SOS1: variants seen among roughly 807,000 people sequenced by gnomAD.
The protein encoded by SOS1 is son of sevenless homolog 1.
A neutral mutation model predicts 157.6 loss-of-function variants in SOS1; 25 were observed. The ratio of observed to expected loss-of-function variants is 0.16; its 90% CI spans 0.12 to 0.22. The LOEUF (loss-of-function observed/expected upper bound fraction) is 0.22. SOS1 is among the 10% of genes least tolerant of loss of function. SOS1 has a pLI of 1.00. For missense variants in SOS1, 1,237 were observed against 1,599.1 expected, an observed-to-expected ratio of 0.77 and a Z score of 3.86; for synonymous variants, 528 against 534.0, an observed-to-expected ratio of 0.99 and a Z score of 0.16.
At chr2:39,063,982 A>G (rs973906301) in intron 2 of SOS1, among the ~76,000 whole-genome samples, 2 of 152,028 alleles carry the variant, frequency 1.3e-5, no homozygotes, top group African/African-American at 4.8e-5. Flanking sequence ...ACAGGCATGT[A>G]GCCCCATGGC....
In SOS1 at chr2:39,046,983, T is replaced by TA. The variant is rs534141580; in HGVS notation, c.864+4160dup. Reference sequence around the variant, plus strand: ...TTCCTCACTTCTTCCTCATTTTTGATAAATTCAGGAATAACTTTACATAAA... The same window carrying TA: ...TTCCTCACTTCTTCCTCATTTTTGATAAAATTCAGGAATAACTTTACATAAA... On this transcript the variant is annotated intron_variant, in intron 6 of 22. Coordinates refer to ENST00000402219, the MANE Select transcript of SOS1 (RefSeq NM_005633.4). Among the ~76,000 whole-genome samples the TA allele has an allele frequency of 1.2e-3, 179 of 152,340 alleles. 5 individuals are homozygous for TA. Among genetic ancestry groups the TA allele is most frequent in the African/African-American group, 3.9e-3 (163 of 41,580 alleles).
chr2:39,064,940 T>C (rs1188049315), intron 2 of SOS1, among the ~76,000 whole-genome samples: 1 of 150,628 alleles, frequency 6.6e-6, no homozygotes, highest in Non-Finnish European at 1.5e-5. Flanking sequence ...TTTTTTTTAG[T>C]AGAGATGGGG....
In SOS1 at chr2:38,997,261, C is replaced by T. The variant is rs1204444296; in HGVS notation, c.2956G>A (p.Asp986Asn). 1 of 1,606,930 alleles carries T rather than the reference C, an allele frequency of 6.2e-7. No individual in the cohort carries two copies. Among genetic ancestry groups the T allele is most frequent in the African/African-American group, 1.3e-5 (1 of 74,646 alleles). Residue 986 changes from aspartate to asparagine, a missense_variant, in exon 18 of 23, where the codon GAT becomes AAT. Transcript: ENST00000402219. ...TAAATAATTCAACTTACTTTGATAT[C>T]TGATTCTACTCGTAAACAGTAAGGC... Reference protein sequence around the residue: ...NQPYCLRVESDIKRFFENLNP... With the variant: ...NQPYCLRVESNIKRFFENLNP...
At chr2:39,118,462 AG>A in intron 1 of SOS1, among the ~76,000 whole-genome samples, 1 of 152,236 alleles carries the variant, frequency 6.6e-6, no homozygotes, top group East Asian at 1.9e-4. Flanking sequence ...TATTTAAATA[AG>A]AATTGGAAGA....
chr2:39,056,561 G>A, intron 4 of SOS1, 141 bp downstream of exon 4: 1 of 649,410 alleles, frequency 1.5e-6, no homozygotes, highest in Non-Finnish European at 2.7e-6. Context: ...CTATAAAGTG[G>A]TATCTTGAAT....
intron 17 of SOS1, among the ~76,000 whole-genome samples, chr2:39,003,892 A>G (rs1270822776): frequency 6.6e-6 from 1 of 152,178 alleles, no homozygotes; most frequent in Non-Finnish European, 1.5e-5. Flanking sequence ...GCTGTGGGGA[A>G]GTGTCCTATG....
intron 1 of SOS1, among the ~76,000 whole-genome samples, chr2:39,077,729 G>A (rs1274592044): frequency 6.6e-6 from 1 of 152,126 alleles, no homozygotes; most frequent in Non-Finnish European, 1.5e-5. Context: ...CATGAGGAAA[G>A]GATGGATCAT....
Position 38,985,635 on chromosome 2 carries a change from A to G in SOS1, c.*189T>C. The stretch of plus-strand genomic sequence containing the variant: ...CTCTAGGTCGGTCTTTCCATATTCT[A>G]AACTGGAATACCATTTCCATTGTAT... On this transcript the variant is annotated 3_prime_UTR_variant, in exon 23 of 23. Coordinates refer to ENST00000402219, the MANE Select transcript of SOS1 (RefSeq NM_005633.4). 7.3e-6 allele frequency: 5 copies of G among 687,184 alleles called. No homozygotes were observed. The highest frequency in any genetic ancestry group is 1.2e-5 in the Non-Finnish European group (5 of 407,058). The allele number at this position is 687,184 out of a possible 1,614,324, so 42.6% of individuals were successfully genotyped here.
intron 17 of SOS1, among the ~76,000 whole-genome samples, chr2:39,002,936 G>A (rs537667269): frequency 6.6e-6 from 1 of 152,036 alleles, no homozygotes; most frequent in Non-Finnish European, 1.5e-5. Flanking sequence ...ATAGTGGTTT[G>A]TGCCTGTAGT....
At chr2:39,079,184 A>G (rs1021609947) in intron 1 of SOS1, among the ~76,000 whole-genome samples, 1 of 152,268 alleles carries the variant, frequency 6.6e-6, no homozygotes, top group African/African-American at 2.4e-5. Flanking sequence ...TAGAAAATGA[A>G]TATTACTTAC....
At chr2:39,036,322 T>C (rs1457584937) in intron 6 of SOS1, among the ~76,000 whole-genome samples, 1 of 152,144 alleles carries the variant, frequency 6.6e-6, no homozygotes, top group Non-Finnish European at 1.5e-5. Context: ...TGTTATGAAT[T>C]AAATCACCCT....
intron 8 of SOS1, chr2:39,034,732 A>T (rs1017886430): frequency 2.2e-6 from 1 of 452,766 alleles, no homozygotes; most frequent in African/African-American, 2.0e-5. Context: ...TTTAATACAG[A>T]TAGTTGCAAA....
intron 1 of SOS1, among the ~76,000 whole-genome samples, chr2:39,089,640 A>G (rs1672511634): frequency 6.6e-6 from 1 of 152,124 alleles, no homozygotes. Context: ...GTATTGGATT[A>G]TAACCCAAAA....
chr2:39,010,625 T>C lies in SOS1; in HGVS notation c.2469A>G (p.Lys823=). The stretch of plus-strand genomic sequence containing the variant: ...TGAGGTTGGTGGTATGTCGAATCAT[T>C]TTCAGAAGATTAGGAGAGTTAATTT... ...DKEINSPNLL[K]MIRHTTNLTL... The change falls in exon 15 of 23, where the codon AAA becomes AAG. Residue 823 remains lysine (K), a synonymous_variant. Transcript: ENST00000402219. The C allele has an allele frequency of 1.2e-6, 2 of 1,609,736 alleles. No individual in the cohort carries two copies. The highest frequency in any genetic ancestry group is 1.7e-6 in the Non-Finnish European group (2 of 1,176,062).
chr2:39,098,733 C>CA (rs1558512367), intron 1 of SOS1, among the ~76,000 whole-genome samples: 1 of 151,988 alleles, frequency 6.6e-6, no homozygotes, highest in Non-Finnish European at 1.5e-5. Context: ...ACTAAAAATA[C>CA]AAAAAATTAC....
chr2:39,034,241 A>G (rs915129219), intron 8 of SOS1, among the ~76,000 whole-genome samples: 4 of 152,240 alleles, frequency 2.6e-5, no homozygotes, highest in Non-Finnish European at 4.4e-5. Flanking sequence ...AATGACTACT[A>G]TGCAGTGCAG....
intron 1 of SOS1, among the ~76,000 whole-genome samples, chr2:39,090,771 T>A (rs1672564045): frequency 6.6e-6 from 1 of 152,222 alleles, no homozygotes; most frequent in African/African-American, 2.4e-5. Flanking sequence ...AGTTTATGTA[T>A]ATCAGTGCTT....
Position 39,013,940 on chromosome 2 carries a change from C to T in SOS1, c.1990G>A (p.Glu664Lys). 1.2e-6 allele frequency: 2 copies of T among 1,605,196 alleles called. No homozygotes were observed. Among genetic ancestry groups the T allele is most frequent in the Non-Finnish European group, 1.7e-6 (2 of 1,172,540 alleles). ...EPTEADRIAI[E>K]NGDQPLSAEL... is the part of the protein sequence containing the mutation. The stretch of plus-strand genomic sequence containing the variant: ...GCACTCAAGGGTTGATCTCCATTCT[C>T]TATAGCTATGCGATCAGCTTCTGTT... Residue 664 changes from glutamate to lysine, a missense_variant, in exon 12 of 23, where the codon GAG (glutamate) becomes AAG (lysine). Coordinates refer to ENST00000402219, the MANE Select transcript of SOS1 (RefSeq NM_005633.4).
chr2:39,045,283 T>A (rs1353212845), intron 6 of SOS1, among the ~76,000 whole-genome samples: 4 of 147,884 alleles, frequency 2.7e-5, no homozygotes, highest in South Asian at 2.2e-4. Context: ...AGTGTGTGTG[T>A]GTGTGTGTGT....
Sources: gnomAD v4.1 joint callset for allele counts (sites outside exome capture counted in the v4.1 genomes callset) on GRCh38, gnomAD v4.1.1 for gene constraint, MANE v1.5 for transcripts, NCBI Gene and HGNC (gene_info 2026-07-23, HGNC 2026-07-21) for gene names.